The following RAN variants were observed in gnomAD, a reference collection of about 807,000 sequenced individuals.
RAN encodes the protein RAN, member RAS oncogene family, also known as GTP-binding nuclear protein Ran.
A neutral mutation model predicts 26.8 loss-of-function variants in RAN; 2 were observed. The observed-to-expected ratio is 0.07, with a 90% CI of 0.03 to 0.23. The LOEUF (loss-of-function observed/expected upper bound fraction) is 0.23, where lower values mean the gene tolerates loss of function less well. Ranked by LOEUF, RAN falls within the 10% of genes least tolerant of loss-of-function variation. The probability of loss-of-function intolerance (pLI) is 1.00; values close to 1 mark genes in which losing one functional copy is unlikely to be tolerated. For missense variants in RAN, 56 were observed against 264.8 expected (o/e 0.21, Z 5.47); for synonymous variants, 132 against 95.9 (o/e 1.38, Z -2.20).
Position 130,874,455 on chromosome 12 carries a change from C to T in RAN, c.248-91C>T, listed in dbSNP as rs113884154. On this transcript the variant is annotated intron_variant, in intron 4 of 6. Coordinates refer to ENST00000543796, the MANE Select transcript of RAN (RefSeq NM_006325.5). Reference sequence around the variant, plus strand: ...ACAGGTGACTCGTTGAGGTCTAAGACTATAACTAGTTGAATCCTAGTCTCT... The same window carrying T: ...ACAGGTGACTCGTTGAGGTCTAAGATTATAACTAGTTGAATCCTAGTCTCT... 4.7e-6 allele frequency: 5 copies of T among 1,060,436 alleles called. No homozygotes were observed. The African/African-American group carries it at 8.0e-5, about 17-fold the overall frequency. 65.7% of individuals were successfully genotyped at this position (1,060,436 alleles called of 1,614,324 possible).
At chr12:130,872,775 AC>A in intron 2 of RAN, 60 bp from the exon 3 acceptor site, 1 of 1,598,256 alleles carries the variant, frequency 6.3e-7, no homozygotes, top group South Asian at 1.1e-5. Context: ...AAGTTCCGTG[AC>A]TCTGGGATCT....
intron 1 of RAN, 190 bp from the exon 2 acceptor site, chr12:130,872,394 G>A (rs1336955358): frequency 4.2e-5 from 7 of 167,944 alleles, no homozygotes; most frequent in Non-Finnish European, 8.7e-5. Context: ...TCCGGCCGCC[G>A]TTCCCCGGGC....
chr12:130,874,843 G>A (rs1953208627), intron 5 of RAN, 110 bp downstream of exon 5: 2 of 971,446 alleles, frequency 2.1e-6, no homozygotes, highest in Non-Finnish European at 1.5e-6. Flanking sequence ...TTTTCCCCAA[G>A]ACGGAGTCTT....
chr12:130,876,711 A>G lies in RAN; in HGVS notation c.*785A>G, dbSNP rs1376758509. 2.0e-5 allele frequency: 3 copies of G among 152,252 alleles called. No individual in the cohort carries two copies. The highest frequency in any genetic ancestry group is 4.4e-5 in the Non-Finnish European group (3 of 68,046). The allele number at this position is 152,252 out of a possible 1,614,324, so 9.4% of individuals were successfully genotyped here. ...AATGTAGAACCTCAAACAGGATGGA[A>G]CATCAGTGGATGGCAGGAGGTTGGG... On this transcript the variant is annotated 3_prime_UTR_variant, in exon 7 of 7. Transcript: ENST00000543796.
At chr12:130,873,702 A>C (rs960739195) in intron 4 of RAN, 1 of 158,872 alleles carries the variant, frequency 6.3e-6, no homozygotes, top group African/African-American at 2.4e-5. Context: ...TGCCGATAAC[A>C]CATTATCTGG....
chr12:130,873,767 T>TC (rs1953185728), intron 4 of RAN: 2 of 157,994 alleles, frequency 1.3e-5, no homozygotes, highest in African/African-American at 4.8e-5. Flanking sequence ...CACAAGAATT[T>TC]CCCCCAAAAG....
At position 130,874,542 on chromosome 12, in the gene RAN, T is replaced by G. The variant is rs1212055415; in HGVS notation, c.248-4T>G. 6.4e-7 allele frequency: 1 copy of G among 1,569,640 alleles called. No homozygotes were observed. The highest frequency in any genetic ancestry group is 1.7e-5 in the Admixed American group (1 of 58,926). ...TGTACTAATTCCCACAAATGTTTCT[T>G]CAGCCCAGTGTGCCATCATAATGTT... On this transcript the variant is annotated splice_region_variant and splice_polypyrimidine_tract_variant and intron_variant, in intron 4 of 6. Coordinates refer to ENST00000543796, the MANE Select transcript of RAN (RefSeq NM_006325.5).
chr12:130,872,226 A>G lies in RAN; in HGVS notation c.-11+100A>G, dbSNP rs562061152. On this transcript the variant is annotated intron_variant, in intron 1 of 6. Coordinates refer to ENST00000543796, the MANE Select transcript of RAN (RefSeq NM_006325.5). Reference sequence around the variant, plus strand: ...GGGCCAGGGCCGGGGCGGGTGGCGGACCCAGGGGCAGCGGGCGGCTGAGTA... The same window carrying G: ...GGGCCAGGGCCGGGGCGGGTGGCGGGCCCAGGGGCAGCGGGCGGCTGAGTA... 853 of 150,518 alleles carry G rather than the reference A, an allele frequency of 5.7e-3. 9 individuals are homozygous for G. The highest frequency in any genetic ancestry group is 0.02 in the African/African-American group (817 of 40,100). 9.3% of individuals were successfully genotyped at this position (150,518 alleles called of 1,614,324 possible).
At chr12:130,872,742 T>A (rs1953163001) in intron 2 of RAN, 94 bp from the exon 3 acceptor site, 1 of 1,576,474 alleles carries the variant, frequency 6.3e-7, no homozygotes, top group African/African-American at 1.4e-5. Flanking sequence ...CATTCTTTGT[T>A]TTAAGTGAGC....
chr12:130,876,040 C>T lies in RAN; in HGVS notation c.*114C>T, dbSNP rs1443811407. The T allele has an allele frequency of 3.7e-6, 4 of 1,091,108 alleles. No individual in the cohort carries two copies. In the African/African-American group the frequency reaches 4.7e-5, roughly 13 times the overall value. 67.6% of individuals were successfully genotyped at this position (1,091,108 alleles called of 1,614,324 possible). ...ATTATCTAGCTAAGCGGAACATGTGCTTCATCTGTGGGATGCTGAAGGAGA... is the reference window on the plus strand; with the variant it reads ...ATTATCTAGCTAAGCGGAACATGTGTTTCATCTGTGGGATGCTGAAGGAGA... On this transcript the variant is annotated 3_prime_UTR_variant, in exon 7 of 7. Coordinates refer to ENST00000543796, the MANE Select transcript of RAN (RefSeq NM_006325.5).
rs558690965 is a variant in RAN, at chr12:130,872,928, C to T, written c.121+8C>T. On this transcript the variant is annotated splice_region_variant and intron_variant, in intron 3 of 6. Coordinates refer to ENST00000543796, the MANE Select transcript of RAN (RefSeq NM_006325.5). ...TTGAGAAGAAGTATGTAGGTATGTG[C>T]TGGAAAACCTTGCTTGTGGAAATAT... 1.2e-5 allele frequency: 19 copies of T among 1,614,226 alleles called. No individual in the cohort carries two copies. The highest frequency in any genetic ancestry group is 1.1e-4 in the African/African-American group (8 of 75,054).
At chr12:130,873,215 C>T in intron 4 of RAN, 87 bp downstream of exon 4, 1 of 1,525,152 alleles carries the variant, frequency 6.6e-7, no homozygotes, top group Non-Finnish European at 8.9e-7. Context: ...TCTGTTCCAA[C>T]AAATAGTGTC....
In RAN at chr12:130,872,602, G is replaced by A. The variant is rs762110596; in HGVS notation, c.9G>A (p.Ala3=). MA[A]QGEPQVQFKL... ...TCCGCAGGAACGCCGCGATGGCTGC[G>A]CAGGGAGAGCCCCAGGTCCAGTTCA... Residue 3 remains alanine (A), a synonymous_variant, in exon 2 of 7, where the codon GCG becomes GCA. Coordinates refer to ENST00000543796, the MANE Select transcript of RAN (RefSeq NM_006325.5). The A allele has an allele frequency of 1.3e-6, 2 of 1,523,726 alleles. No individual in the cohort carries two copies. Among genetic ancestry groups the A allele is most frequent in the African/African-American group, 2.8e-5 (2 of 71,860 alleles). The allele number at this position is 1,523,726 out of a possible 1,614,324, so 94.4% of individuals were successfully genotyped here.
At chr12:130,874,427 G>C (rs1953200150) in intron 4 of RAN, 119 bp from the exon 5 acceptor site, 1 of 702,084 alleles carries the variant, frequency 1.4e-6, no homozygotes, top group African/African-American at 1.8e-5. Flanking sequence ...TGAGGGGAGA[G>C]ATACAGGTGA....
chr12:130,873,911 G>A (rs1019374885), intron 4 of RAN: 5 of 199,168 alleles, frequency 2.5e-5, no homozygotes, highest in African/African-American at 9.5e-5. Context: ...TCGCTCTGTT[G>A]CCCAACCTGG....
chr12:130,877,270 A>G lies in RAN; in HGVS notation c.*1344A>G, dbSNP rs1953264896. The G allele has an allele frequency of 6.6e-6, 1 of 152,186 alleles. No homozygotes were observed. Among genetic ancestry groups the G allele is most frequent in the Admixed American group, 6.5e-5 (1 of 15,274 alleles). 9.4% of individuals were successfully genotyped at this position (152,186 alleles called of 1,614,324 possible). On this transcript the variant is annotated 3_prime_UTR_variant, in exon 7 of 7. Transcript: ENST00000543796. ...AATCTTGAGATGATTGCTTACCTTA[A>G]AAGGTATAGAAAGGATCACTTAAAT...
At position 130,876,860 on chromosome 12, in the gene RAN, G is replaced by A. The variant is rs1189610238; in HGVS notation, c.*934G>A. 6.6e-6 allele frequency: 1 copy of A among 152,140 alleles called. No homozygotes were observed. The highest frequency in any genetic ancestry group is 1.5e-5 in the Non-Finnish European group (1 of 68,026). The allele number at this position is 152,140 out of a possible 1,614,324, so 9.4% of individuals were successfully genotyped here. On this transcript the variant is annotated 3_prime_UTR_variant, in exon 7 of 7. Coordinates refer to ENST00000543796, the MANE Select transcript of RAN (RefSeq NM_006325.5). The stretch of plus-strand genomic sequence containing the variant: ...TACCCACAGTTTTCAGGTACTCCTA[G>A]ACTTTAAAGATGTCTTGAACATTTA...
intron 1 of RAN, 106 bp downstream of exon 1, chr12:130,872,232 G>C (rs1311302066): frequency 6.5e-6 from 1 of 154,812 alleles, no homozygotes; most frequent in Non-Finnish European, 1.4e-5. Flanking sequence ...GCGGACCCAG[G>C]GGCAGCGGGC....
rs1380950852 is a variant in RAN at position 130,876,923 on chromosome 12, T to G, written c.*997T>G. ...GTTCACACTACACCGTTTTTTTGTT[T>G]TTTTTTCCCCCCCGGGAGGGTTTTT... On this transcript the variant is annotated 3_prime_UTR_variant, in exon 7 of 7. Transcript: ENST00000543796. 1 of 152,200 alleles carries G rather than the reference T, an allele frequency of 6.6e-6. No individual in the cohort carries two copies. The highest frequency in any genetic ancestry group is 2.1e-4 in the South Asian group (1 of 4,822). 9.4% of individuals were successfully genotyped at this position (152,200 alleles called of 1,614,324 possible). A position where few individuals can be genotyped will look rare whatever the true frequency, so the allele number is the denominator to read the frequency against.
Sources: allele counts gnomAD v4.1 joint callset, GRCh38; gene constraint gnomAD v4.1.1; transcripts MANE v1.5; gene names NCBI Gene and HGNC (gene_info 2026-07-23, HGNC 2026-07-21).